Variants in NHERF2 observed in about 807,000 individuals in gnomAD.
NHERF2 encodes the protein NHERF family PDZ scaffold protein 2.
chr16:2,037,453 G>C, the NHERF2 span: 6 of 1,201,752 alleles, frequency 5.0e-6, no homozygotes, highest in East Asian at 2.5e-5. Context: ...GCACACACTG[G>C]GGGGGGGTGT....
chr16:2,029,980 G>A, the NHERF2 span, among the ~76,000 whole-genome samples: 1 of 152,296 alleles, frequency 6.6e-6, no homozygotes, highest in South Asian at 2.1e-4. Flanking sequence ...TTTTAAACTG[G>A]GTAGGGTCAG....
At chr16:2,035,659 C>T in the NHERF2 span, 15 of 985,758 alleles carry the variant, frequency 1.5e-5, no homozygotes, top group Non-Finnish European at 1.8e-5. Context: ...CCTGCATGGT[C>T]CCCTGGCCCA....
At chr16:2,033,407 G>A in the NHERF2 span, 55 of 1,533,202 alleles carry the variant, frequency 3.6e-5, no homozygotes, top group East Asian at 9.8e-5. Flanking sequence ...GCCCCTCCAC[G>A]GAGCCCACCC....
chr16:2,033,011 G>C, the NHERF2 span: 1 of 1,174,422 alleles, frequency 8.5e-7, no homozygotes, highest in Non-Finnish European at 1.1e-6. Flanking sequence ...TGCTCCTCTG[G>C]AGCCTCAACA....
At chr16:2,037,419 C>T in the NHERF2 span, 1,646 of 994,612 alleles carry the variant, frequency 1.7e-3, 11 homozygotes, top group East Asian at 7.4e-3. Flanking sequence ...ACCAGAGGCC[C>T]GAGGCCCCCT....
chr16:2,038,123 GC>G, the NHERF2 span: 1 of 1,099,992 alleles, frequency 9.1e-7, no homozygotes, highest in Non-Finnish European at 1.3e-6. Flanking sequence ...GCCCCGGTGA[GC>G]CCCCATCCTG....
At chr16:2,029,737 A>G in the NHERF2 span, 1 of 1,240,700 alleles carries the variant, frequency 8.1e-7, no homozygotes, top group African/African-American at 1.6e-5. Context: ...AGCCGAAGCC[A>G]GACTGGGCAC....
chr16:2,028,791 C>G, the NHERF2 span, among the ~76,000 whole-genome samples: 1 of 152,212 alleles, frequency 6.6e-6, no homozygotes, highest in East Asian at 1.9e-4. Context: ...TGCCCACTTC[C>G]CAGTGGGCAC....
At chr16:2,036,650 T>C in the NHERF2 span, 1 of 1,574,258 alleles carries the variant, frequency 6.4e-7, no homozygotes, top group Non-Finnish European at 8.6e-7. Context: ...GTGATGAATA[T>C]TTGATGCCAC....
chr16:2,035,323 T>C, the NHERF2 span: 1 of 852,016 alleles, frequency 1.2e-6, no homozygotes, highest in South Asian at 5.3e-5. Flanking sequence ...CTGGAGGGGT[T>C]GGGGGTGTCT....
At chr16:2,029,447 C>T in the NHERF2 span, 1 of 789,446 alleles carries the variant, frequency 1.3e-6, no homozygotes, top group Non-Finnish European at 2.1e-6. Context: ...GGCCGGCAGG[C>T]CTCTTGGTGC....
At chr16:2,030,897 C>T in the NHERF2 span, among the ~76,000 whole-genome samples, 129 of 151,914 alleles carry the variant, frequency 8.5e-4, no homozygotes, top group African/African-American at 2.8e-3. Context: ...GCCGAGATCC[C>T]GCCATAGCAC....
chr16:2,029,697 G>A, the NHERF2 span: 50 of 1,558,912 alleles, frequency 3.2e-5, no homozygotes, highest in Non-Finnish European at 3.9e-5. Flanking sequence ...ATGGCCCAGC[G>A]AGGGCTCCCA....
the NHERF2 span, chr16:2,036,474 G>A: frequency 1.9e-6 from 3 of 1,599,240 alleles, no homozygotes; most frequent in Non-Finnish European, 2.6e-6. Flanking sequence ...CGCCCGCTCT[G>A]GCCTCCGCGC....
chr16:2,037,760 G>C, the NHERF2 span: 1 of 1,550,066 alleles, frequency 6.5e-7, no homozygotes, highest in Non-Finnish European at 8.7e-7. Context: ...TCCCTAGGAG[G>C]GGCCACCGTC....
the NHERF2 span, among the ~76,000 whole-genome samples, chr16:2,030,009 T>G: frequency 6.6e-6 from 1 of 152,196 alleles, no homozygotes; most frequent in Non-Finnish European, 1.5e-5. Flanking sequence ...GGCCTGTTCC[T>G]CTTCTCCAGG....
the NHERF2 span, among the ~76,000 whole-genome samples, chr16:2,032,133 T>G: frequency 3.4e-5 from 5 of 148,628 alleles, no homozygotes; most frequent in Non-Finnish European, 7.5e-5. The surrounding 1 kb of genome is among the most constrained non-coding windows in gnomAD (Gnocchi z 4.0). Context: ...AATTCTTATG[T>G]CTCAGCCTGC....
At chr16:2,029,556 C>G in the NHERF2 span, 5 of 1,551,356 alleles carry the variant, frequency 3.2e-6, no homozygotes, top group East Asian at 2.4e-5. Context: ...GGCCACTGAC[C>G]CGCTCCTATC....
At chr16:2,034,866 C>T in the NHERF2 span, among the ~76,000 whole-genome samples, 3 of 152,278 alleles carry the variant, frequency 2.0e-5, no homozygotes, top group Non-Finnish European at 4.4e-5. Flanking sequence ...GACTGCATCC[C>T]TGAGGGGCAC....
Sources: gnomAD v4.1 joint callset for allele counts (sites outside exome capture counted in the v4.1 genomes callset) on GRCh38, gnomAD v4.1.1 for gene constraint, Gnocchi (gnomAD v3.1) non-coding constraint, MANE v1.5 for transcripts, NCBI Gene and HGNC (gene_info 2026-07-23, HGNC 2026-07-21) for gene names.